Variants in ELF1 observed in about 807,000 individuals in gnomAD.
ELF1 encodes the protein E74 like ETS transcription factor 1.
A neutral mutation model predicts 59.9 loss-of-function variants in ELF1; 24 were observed. That is an observed-to-expected ratio of 0.40 (90% CI 0.29 to 0.56). The LOEUF is 0.56. Ranked by LOEUF, ELF1 falls within the 20% of genes least tolerant of loss-of-function variation. ELF1 has a pLI of 0.44. For missense variants in ELF1, 627 were observed against 742.2 expected (o/e 0.84, Z 1.80); for synonymous variants, 248 against 266.2 (o/e 0.93, Z 0.67).
intron 1 of ELF1, among the ~76,000 whole-genome samples, chr13:41,007,133 T>A (rs1182801896): frequency 1.3e-5 from 2 of 152,058 alleles, no homozygotes; most frequent in Admixed American, 6.6e-5. Context: ...CTATCTTCAA[T>A]GATGCCGCTC....
At chr13:40,963,609 AG>A (rs1871985712) in intron 2 of ELF1, among the ~76,000 whole-genome samples, 1 of 152,216 alleles carries the variant, frequency 6.6e-6, no homozygotes, top group Admixed American at 6.5e-5. Flanking sequence ...GATTTTCATA[AG>A]AATATGAATA....
chr13:40,973,968 C>A (rs1044333168), intron 2 of ELF1, among the ~76,000 whole-genome samples: 41 of 152,226 alleles, frequency 2.7e-4, no homozygotes, highest in African/African-American at 9.6e-4. Context: ...CCAGAATAGG[C>A]AAACATACAG....
intron 1 of ELF1, among the ~76,000 whole-genome samples, chr13:41,044,629 T>C (rs1432624078): frequency 6.6e-6 from 1 of 152,186 alleles, no homozygotes; most frequent in East Asian, 1.9e-4. Flanking sequence ...AGCCTTGCAT[T>C]CCCCCGGATG....
At chr13:41,052,929 C>CA (rs1306606904) in intron 1 of ELF1, among the ~76,000 whole-genome samples, 2 of 152,000 alleles carry the variant, frequency 1.3e-5, no homozygotes, top group Admixed American at 1.3e-4. Flanking sequence ...TATGTGTTAG[C>CA]AAAAAATAAT....
chr13:40,950,119 C>T, intron 4 of ELF1, 146 bp from the exon 5 acceptor site: 1 of 785,614 alleles, frequency 1.3e-6, no homozygotes, highest in South Asian at 2.1e-5. Context: ...AGTTCCCCTT[C>T]CCAAAATCAA....
intron 1 of ELF1, among the ~76,000 whole-genome samples, chr13:40,983,178 T>C (rs529637514): frequency 6.6e-6 from 1 of 152,350 alleles, no homozygotes; most frequent in Non-Finnish European, 1.5e-5. Flanking sequence ...TTTCATCAAA[T>C]GATTATGGCC....
chr13:41,000,364 C>T (rs1874361086), intron 1 of ELF1, among the ~76,000 whole-genome samples: 1 of 147,652 alleles, frequency 6.8e-6, no homozygotes, highest in South Asian at 2.2e-4. Flanking sequence ...GCTGGAACTA[C>T]AGGCACGCCA....
intron 3 of ELF1, among the ~76,000 whole-genome samples, chr13:40,955,811 G>A (rs1382428372): frequency 1.0e-4 from 12 of 119,226 alleles, no homozygotes; most frequent in South Asian, 5.3e-4. Flanking sequence ...CGCCCCGTCC[G>A]GGAGGTGAGG....
chr13:41,053,622 A>C (rs933505165), intron 1 of ELF1, among the ~76,000 whole-genome samples: 4 of 152,068 alleles, frequency 2.6e-5, no homozygotes, highest in African/African-American at 4.8e-5. Flanking sequence ...CCCTTCTGAC[A>C]CCTCTGGGAA....
chr13:41,046,154 C>A (rs990952642), intron 1 of ELF1, among the ~76,000 whole-genome samples: 2 of 152,108 alleles, frequency 1.3e-5, no homozygotes, highest in Non-Finnish European at 2.9e-5. Context: ...TTCCTCCATC[C>A]CTTTATTTTG....
At chr13:40,975,717 A>T (rs898113041) in intron 2 of ELF1, among the ~76,000 whole-genome samples, 2 of 152,242 alleles carry the variant, frequency 1.3e-5, no homozygotes, top group Admixed American at 1.3e-4. Flanking sequence ...GCTGTGGGCA[A>T]GGTATCACCC....
intron 1 of ELF1, among the ~76,000 whole-genome samples, chr13:41,044,745 C>G (rs1876769421): frequency 1.3e-5 from 2 of 152,102 alleles, no homozygotes; most frequent in Non-Finnish European, 2.9e-5. Flanking sequence ...GGATATTGAT[C>G]TAAAATTCTC....
chr13:40,973,635 T>A (rs1414920142), intron 2 of ELF1, among the ~76,000 whole-genome samples: 1 of 151,144 alleles, frequency 6.6e-6, no homozygotes, highest in Non-Finnish European at 1.5e-5. Flanking sequence ...ACAGAGGTGC[T>A]AATTTCCTTT....
chr13:41,005,440 T>C (rs1874687305), intron 1 of ELF1, among the ~76,000 whole-genome samples: 1 of 90,230 alleles, frequency 1.1e-5, no homozygotes, highest in South Asian at 4.0e-4. Flanking sequence ...CAACCTCTGC[T>C]ATACCTATCC....
chr13:41,011,054 T>C (rs1490973015), intron 1 of ELF1, among the ~76,000 whole-genome samples: 1 of 152,200 alleles, frequency 6.6e-6, no homozygotes, highest in African/African-American at 2.4e-5. Flanking sequence ...CAGAAATTGC[T>C]ACCATTACAG....
At chr13:41,028,995 G>A (rs534342324) in intron 1 of ELF1, among the ~76,000 whole-genome samples, 2 of 151,466 alleles carry the variant, frequency 1.3e-5, no homozygotes, top group African/African-American at 4.8e-5. Flanking sequence ...TGCCTGCCTC[G>A]GCCTCCCAAA....
At chr13:40,946,113 A>C (rs1171564003) in intron 5 of ELF1, among the ~76,000 whole-genome samples, 1 of 152,226 alleles carries the variant, frequency 6.6e-6, no homozygotes, top group African/African-American at 2.4e-5. Flanking sequence ...TGCTGGGATT[A>C]CAAGCATGAG....
At position 40,991,567 on chromosome 13, in the gene ELF1, A is replaced by G. The variant is rs1391174869; in HGVS notation, c.-228-9285T>C. Among the ~76,000 whole-genome samples the G allele has an allele frequency of 5.3e-5, 8 of 151,598 alleles. No homozygotes were observed. The East Asian group carries it at 1.3e-3, about 26-fold the overall frequency. On this transcript the variant is annotated intron_variant, in intron 1 of 8. Coordinates refer to ENST00000239882, the MANE Select transcript of ELF1 (RefSeq NM_172373.4). ...GCTGGGGTTACAGGTGTGAGCCACCATGCCTGGCCCGTTACCACCTTTTAT... is the reference window on the plus strand; with the variant it reads ...GCTGGGGTTACAGGTGTGAGCCACCGTGCCTGGCCCGTTACCACCTTTTAT...
Position 40,933,374 on chromosome 13 carries a change from A to G in ELF1, c.*51T>C. ...CTTAGAATCAGTCAGTCTGCATATA[A>G]TTGAAAATGTTCAATTAACAAACAA... On this transcript the variant is annotated 3_prime_UTR_variant, in exon 9 of 9. Coordinates refer to ENST00000239882, the MANE Select transcript of ELF1 (RefSeq NM_172373.4). The G allele has an allele frequency of 6.4e-7, 1 of 1,560,148 alleles. No homozygotes were observed. Among genetic ancestry groups the G allele is most frequent in the South Asian group, 1.2e-5 (1 of 81,272 alleles).
Sources: gnomAD v4.1 joint callset for allele counts (sites outside exome capture counted in the v4.1 genomes callset) on GRCh38, gnomAD v4.1.1 for gene constraint, MANE v1.5 for transcripts, NCBI Gene and HGNC (gene_info 2026-07-23, HGNC 2026-07-21) for gene names.